The following FRMPD4 variants were observed in gnomAD, a reference collection of about 807,000 sequenced individuals.
The protein encoded by FRMPD4 is FERM and PDZ domain-containing protein 4.
A neutral mutation model predicts 94.1 loss-of-function variants in FRMPD4; 22 were observed. The observed-to-expected ratio is 0.23, with a 90% confidence interval of 0.17 to 0.33. The LOEUF (loss-of-function observed/expected upper bound fraction) is 0.33. Among genes scored for constraint, FRMPD4 ranks in the 10% least tolerant of loss-of-function variants. FRMPD4 has a pLI of 1.00. For synonymous variants in FRMPD4, 631 were observed against 548.6 expected, an observed-to-expected ratio of 1.15 and a Z score of -2.10; for missense variants, 1,111 against 1,339.9, an observed-to-expected ratio of 0.83 and a Z score of 2.67.
At chrX:12,534,222 A>T (rs1181388482) in intron 2 of FRMPD4, among the ~76,000 whole-genome samples, 1 of 112,993 alleles carries the variant, frequency 8.9e-6, no homozygotes, top group Non-Finnish European at 1.9e-5. Flanking sequence ...AGTGCACAGA[A>T]GTCAAGAATC....
At chrX:12,562,012 A>G (rs143964104) in intron 2 of FRMPD4, among the ~76,000 whole-genome samples, 1,639 of 112,443 alleles carry the variant, frequency 0.015, 33 homozygotes, top group African/African-American at 0.05. Flanking sequence ...TACAGATGTC[A>G]ATCCTGCATT....
intron 3 of FRMPD4, among the ~76,000 whole-genome samples, chrX:11,970,025 G>C (rs1007820867): frequency 9.0e-6 from 1 of 111,182 alleles, no homozygotes; most frequent in African/African-American, 3.3e-5. Context: ...CTAGGATACT[G>C]TAGCAAAACC....
intron 1 of FRMPD4, among the ~76,000 whole-genome samples, chrX:12,375,973 T>C (rs1043831656): frequency 5.4e-5 from 6 of 112,111 alleles, no homozygotes; most frequent in African/African-American, 1.9e-4. Context: ...TAGGCAGAAA[T>C]ATTTCTTTGA....
At chrX:12,359,311 C>G (rs985000844) in intron 1 of FRMPD4, among the ~76,000 whole-genome samples, 7 of 111,499 alleles carry the variant, frequency 6.3e-5, no homozygotes, top group Non-Finnish European at 1.3e-4. Flanking sequence ...TTCTGTATAA[C>G]TCCTTTCAGA....
At chrX:12,112,676 A>T (rs1327935919) in intron 3 of FRMPD4, among the ~76,000 whole-genome samples, 1 of 111,982 alleles carries the variant, frequency 8.9e-6, no homozygotes, top group East Asian at 2.8e-4. Flanking sequence ...TAGTCAAAGG[A>T]AATTGTGACT....
chrX:12,213,808 A>G (rs1480136248), intron 1 of FRMPD4, among the ~76,000 whole-genome samples: 3 of 112,305 alleles, frequency 2.7e-5, no homozygotes, highest in Admixed American at 9.4e-5. Context: ...GTTTAACCAA[A>G]TTCTGGTGAG....
intron 2 of FRMPD4, among the ~76,000 whole-genome samples, chrX:11,877,644 C>T (rs894484974): frequency 7.2e-5 from 8 of 111,708 alleles, no homozygotes; most frequent in African/African-American, 2.6e-4. Flanking sequence ...TACTCGTGGT[C>T]AGGAAAAAAG....
chrX:12,232,608 C>T (rs2057025014), intron 1 of FRMPD4, among the ~76,000 whole-genome samples: 1 of 111,073 alleles, frequency 9.0e-6, no homozygotes, highest in Non-Finnish European at 1.9e-5. Flanking sequence ...ACTGGTCTCA[C>T]CTAGAGAGAT....
chrX:12,290,866 G>A (rs1399434287), intron 1 of FRMPD4, among the ~76,000 whole-genome samples: 2 of 32,781 alleles, frequency 6.1e-5, no homozygotes, highest in Non-Finnish European at 9.8e-5. Context: ...GGAGGTAATC[G>A]GAAAAAAAAA....
chrX:12,001,553 T>A (rs2054524579), intron 3 of FRMPD4, among the ~76,000 whole-genome samples: 1 of 112,110 alleles, frequency 8.9e-6, no homozygotes, highest in South Asian at 3.7e-4. Flanking sequence ...ATGATGTCCA[T>A]ACCATCTCCT....
intron 2 of FRMPD4, among the ~76,000 whole-genome samples, chrX:12,602,312 T>C (rs112627968): frequency 0.1 from 11,279 of 110,950 alleles, 499 homozygotes; most frequent in African/African-American, 0.16. Context: ...TAGGCCCCCT[T>C]CCAGGCCACA....
rs1555921471 is a variant in FRMPD4 at position 12,084,179 on chromosome X, G to GGGT, written c.95+206163_95+206164insTGG. On this transcript the variant is annotated intron_variant, in intron 3 of 18. Coordinates refer to the FRMPD4 transcript ENST00000640291. ...CATGTGTTATGGGAGGGACCCAGTG[G>GGGT]GGGGGGGGGTAATTGAATCATGGGG... Among the ~76,000 whole-genome samples the GGGT allele has an allele frequency of 3.2e-5, 3 of 93,101 alleles. No homozygotes were observed. The Admixed American group carries it at 3.4e-4, about 11-fold the overall frequency. The allele number at this position is 93,101 out of a possible 115,157, so 80.8% of individuals were successfully genotyped here. A position where few individuals can be genotyped will look rare whatever the true frequency, so the allele number is the denominator to read the frequency against.
Position 12,178,570 on chromosome X carries a change from A to G in FRMPD4, c.41+39558A>G, listed in dbSNP as rs1315044857. On this transcript the variant is annotated intron_variant, in intron 1 of 16. Coordinates refer to ENST00000675598, the MANE Select transcript of FRMPD4 (RefSeq NM_001368397.1). ...TGTTTTTGTGTTTCTCAATAGCTTAAGTCTCTAGATGAATGATTCATTCAT... is the reference window on the plus strand; with the variant it reads ...TGTTTTTGTGTTTCTCAATAGCTTAGGTCTCTAGATGAATGATTCATTCAT... 6.3e-5 allele frequency among the ~76,000 whole-genome samples: 7 copies of G among 111,963 alleles called. No individual in the cohort carries two copies. The Admixed American group carries it at 6.6e-4, about 11-fold the overall frequency.
intron 2 of FRMPD4, among the ~76,000 whole-genome samples, chrX:11,870,657 G>A (rs1207025708): frequency 9.0e-6 from 1 of 111,553 alleles, no homozygotes; most frequent in African/African-American, 3.3e-5. Flanking sequence ...TCTCCGTTGG[G>A]ATATAGAATG....
intron 1 of FRMPD4, among the ~76,000 whole-genome samples, chrX:12,295,586 A>G (rs2054758992): frequency 1.8e-5 from 2 of 111,457 alleles, no homozygotes; most frequent in Non-Finnish European, 3.8e-5. Flanking sequence ...GTTTTTTCTT[A>G]GTTTACCATT....
chrX:12,494,179 T>A (rs2057821785), intron 1 of FRMPD4, among the ~76,000 whole-genome samples: 1 of 112,257 alleles, frequency 8.9e-6, no homozygotes, highest in African/African-American at 3.2e-5. Context: ...ATTATCTTCT[T>A]GTAACAGTCC....
intron 16 of FRMPD4, among the ~76,000 whole-genome samples, chrX:12,720,084 G>A (rs888111966): frequency 9.5e-6 from 1 of 105,269 alleles, no homozygotes; most frequent in Non-Finnish European, 2.0e-5. Context: ...GAAAGAAAGA[G>A]AAAGAAAGAA....
At chrX:12,428,122 A>G (rs2056972244) in intron 1 of FRMPD4, among the ~76,000 whole-genome samples, 1 of 109,155 alleles carries the variant, frequency 9.2e-6, no homozygotes, top group Admixed American at 9.8e-5. Context: ...CGTGTTAGCC[A>G]GGATGGTCTC....
chrX:11,866,060 A>G (rs1172894305), intron 2 of FRMPD4, among the ~76,000 whole-genome samples: 1 of 111,941 alleles, frequency 8.9e-6, no homozygotes, highest in Non-Finnish European at 1.9e-5. Context: ...AGCTGAGCAG[A>G]GAGGGTGGGC....
Sources: allele counts gnomAD v4.1 joint callset (sites outside exome capture counted in the v4.1 genomes callset), GRCh38; gene constraint gnomAD v4.1.1; transcripts MANE v1.5; gene names NCBI Gene and HGNC (gene_info 2026-07-23, HGNC 2026-07-21).